The following ELP3 variants were observed in gnomAD, a reference collection of about 807,000 sequenced individuals.
ELP3 encodes the protein elongator complex protein 3.
In ELP3, 56 loss-of-function variants were observed where a neutral mutation model predicts 74.9. The observed-to-expected ratio is 0.75, with a 90% CI of 0.60 to 0.93. The LOEUF (loss-of-function observed/expected upper bound fraction) is 0.93. Among genes scored for constraint, ELP3 ranks in the 40% least tolerant of loss-of-function variants. ELP3 has a pLI of 0.00. For missense variants in ELP3, 573 were observed against 686.5 expected (o/e 0.83, Z 1.85); for synonymous variants, 222 against 239.8 (o/e 0.93, Z 0.68).
intron 7 of ELP3, among the ~76,000 whole-genome samples, chr8:28,120,194 C>T (rs1812313757): frequency 6.6e-6 from 1 of 152,164 alleles, no homozygotes; most frequent in Admixed American, 6.5e-5. Context: ...TATTTGTACT[C>T]CCACCAATAA....
At chr8:28,110,651 G>T in intron 6 of ELP3, 1 of 461,988 alleles carries the variant, frequency 2.2e-6, no homozygotes, top group South Asian at 3.3e-5. Context: ...TATTGTTTAA[G>T]GGTTTTATAT....
intron 10 of ELP3, among the ~76,000 whole-genome samples, chr8:28,152,833 G>T (rs1166383108): frequency 3.3e-5 from 5 of 152,112 alleles, no homozygotes; most frequent in African/African-American, 1.2e-4. Flanking sequence ...GTGCTCAGCA[G>T]CATGAAGTTT....
At chr8:28,157,262 C>T (rs1194111196) in intron 11 of ELP3, among the ~76,000 whole-genome samples, 3 of 123,564 alleles carry the variant, frequency 2.4e-5, no homozygotes, top group African/African-American at 9.3e-5. Flanking sequence ...AAGCACACAC[C>T]AATCTCTGCC....
chr8:28,124,586 TA>T (rs1812500737), intron 7 of ELP3, among the ~76,000 whole-genome samples: 1 of 152,218 alleles, frequency 6.6e-6, no homozygotes, highest in African/African-American at 2.4e-5. Flanking sequence ...AATGTGGATA[TA>T]ATATTAAAAG....
intron 14 of ELP3, among the ~76,000 whole-genome samples, chr8:28,165,415 A>T (rs1451168785): frequency 1.3e-5 from 2 of 152,148 alleles, no homozygotes; most frequent in Non-Finnish European, 2.9e-5. Flanking sequence ...AATGCCTGTT[A>T]ACTTAGGTCA....
At position 28,106,708 on chromosome 8, in the gene ELP3, T is replaced by C; in HGVS notation, c.259-5T>C. On this transcript the variant is annotated splice_polypyrimidine_tract_variant and splice_region_variant and intron_variant, in intron 3 of 14. Coordinates refer to ENST00000256398, the MANE Select transcript of ELP3 (RefSeq NM_018091.6). ...ATAGCTTTTTTATTCATCTTTCTTTTATAGATTGCTGTCGTGGCTGTGATG... is the reference window on the plus strand; with the variant it reads ...ATAGCTTTTTTATTCATCTTTCTTTCATAGATTGCTGTCGTGGCTGTGATG... 6.2e-7 allele frequency: 1 copy of C among 1,611,840 alleles called. No individual in the cohort carries two copies. The highest frequency in any genetic ancestry group is 1.3e-5 in the African/African-American group (1 of 74,998).
At chr8:28,100,562 A>G (rs909974765) in intron 3 of ELP3, among the ~76,000 whole-genome samples, 8 of 152,254 alleles carry the variant, frequency 5.3e-5, no homozygotes, top group African/African-American at 1.7e-4. Flanking sequence ...AAGGGTGTTA[A>G]CAGTTCAGGA....
intron 7 of ELP3, among the ~76,000 whole-genome samples, chr8:28,118,508 A>G (rs34545774): frequency 0.39 from 59,339 of 151,936 alleles, 12,128 homozygotes; most frequent in East Asian, 0.56. Flanking sequence ...TCATTAAATC[A>G]AGCAAAGTGC....
intron 10 of ELP3, among the ~76,000 whole-genome samples, chr8:28,139,710 C>T (rs1026320504): frequency 1.3e-5 from 2 of 151,972 alleles, no homozygotes; most frequent in Admixed American, 6.5e-5. Flanking sequence ...TTTGGGAGGC[C>T]GAAGTGGGCG....
chr8:28,128,999 T>C (rs1018337125), intron 7 of ELP3, among the ~76,000 whole-genome samples: 9 of 152,234 alleles, frequency 5.9e-5, no homozygotes, highest in African/African-American at 2.2e-4. Context: ...ATAGAAGACA[T>C]TTCATCTAAA....
chr8:28,144,368 G>C (rs550867120), intron 10 of ELP3, among the ~76,000 whole-genome samples: 2 of 152,158 alleles, frequency 1.3e-5, no homozygotes, highest in East Asian at 1.9e-4. Context: ...CCAGCACTTC[G>C]GGAGGCCGTG....
rs527546188 is a variant in ELP3, at chr8:28,134,684, C to T, written c.906+2280C>T. On this transcript the variant is annotated intron_variant, in intron 9 of 14. Coordinates refer to ENST00000256398, the MANE Select transcript of ELP3 (RefSeq NM_018091.6). ...TCAAAGTAATTAATCTTCAAAAAAG[C>T]GAAATTTAAAACTACATTTGGTCTC... Among the ~76,000 whole-genome samples, 3 of 152,196 alleles carry T rather than the reference C, an allele frequency of 2.0e-5. No individual in the cohort carries two copies. The South Asian group carries it at 6.2e-4, about 32-fold the overall frequency.
intron 10 of ELP3, among the ~76,000 whole-genome samples, chr8:28,138,818 T>A (rs1305466609): frequency 6.6e-6 from 1 of 152,226 alleles, no homozygotes; most frequent in Admixed American, 6.5e-5. Context: ...GATTTCTCAG[T>A]TTTAAAATCA....
chr8:28,160,563 G>A, intron 13 of ELP3, 107 bp downstream of exon 13: 1 of 926,284 alleles, frequency 1.1e-6, no homozygotes, highest in Non-Finnish European at 1.6e-6. Context: ...GCAGGAGAGG[G>A]GAAAGAGAAG....
Position 28,155,547 on chromosome 8 carries a change from A to C in ELP3, c.1101-395A>C, listed in dbSNP as rs145471980. Among the ~76,000 whole-genome samples the C allele has an allele frequency of 8.7e-3, 1,325 of 152,366 alleles. 13 individuals are homozygous for C. The highest frequency in any genetic ancestry group is 0.013 in the Non-Finnish European group (882 of 68,040). The stretch of plus-strand genomic sequence containing the variant: ...ACTTGTCATTCAGCAGCTGTGTGGG[A>C]AAATGTAAGCTACATTGTTGAACAG... On this transcript the variant is annotated intron_variant, in intron 10 of 14. Coordinates refer to ENST00000256398, the MANE Select transcript of ELP3 (RefSeq NM_018091.6).
chr8:28,143,397 G>T (rs1563271043), intron 10 of ELP3, among the ~76,000 whole-genome samples: 1 of 152,122 alleles, frequency 6.6e-6, no homozygotes. Context: ...TGTTTTCTCT[G>T]TAAAACTACT....
chr8:28,147,221 C>T lies in ELP3; in HGVS notation c.1101-8721C>T, dbSNP rs1813468732. The stretch of plus-strand genomic sequence containing the variant: ...GAAATTTTAATGTCTTTTGAAAGTA[C>T]CAGTTTGTTATTAAAAATATTTGTA... On this transcript the variant is annotated intron_variant, in intron 10 of 14. Coordinates refer to ENST00000256398, the MANE Select transcript of ELP3 (RefSeq NM_018091.6). This position sits in a 1 kb window ranked among gnomAD's most constrained non-coding sequence, Gnocchi z 4.5. Among the ~76,000 whole-genome samples the T allele has an allele frequency of 6.6e-6, 1 of 152,052 alleles. No individual in the cohort carries two copies. The highest frequency in any genetic ancestry group is 2.4e-5 in the African/African-American group (1 of 41,376).
At chr8:28,121,727 A>C (rs911271160) in intron 7 of ELP3, among the ~76,000 whole-genome samples, 57 of 152,224 alleles carry the variant, frequency 3.7e-4, no homozygotes, top group African/African-American at 1.3e-3. Flanking sequence ...ACTTAATTCT[A>C]AAAGCTATTT....
At chr8:28,105,495 G>A (rs1281572117) in intron 3 of ELP3, among the ~76,000 whole-genome samples, 1 of 152,224 alleles carries the variant, frequency 6.6e-6, no homozygotes, top group East Asian at 1.9e-4. Flanking sequence ...TTTAGTTGGA[G>A]AAGGATATTT....
Sources: allele counts gnomAD v4.1 joint callset (sites outside exome capture counted in the v4.1 genomes callset), GRCh38; gene constraint gnomAD v4.1.1; non-coding constraint Gnocchi (gnomAD v3.1); transcripts MANE v1.5; gene names NCBI Gene and HGNC (gene_info 2026-07-23, HGNC 2026-07-21).